Variants in LARP4B observed in about 807,000 individuals in gnomAD.
The protein encoded by LARP4B is La ribonucleoprotein 4B, also known as la-related protein 4B.
Under a neutral mutation model 89.8 loss-of-function variants are expected in LARP4B, and 12 were observed. That is an observed-to-expected ratio of 0.13 (90% CI 0.09 to 0.22). The LOEUF (loss-of-function observed/expected upper bound fraction) is 0.22. Among genes scored for constraint, LARP4B ranks in the 10% least tolerant of loss-of-function variants. LARP4B has a pLI of 1.00. For synonymous variants in LARP4B, 367 were observed against 363.3 expected (o/e 1.01, Z -0.12); for missense variants, 757 against 947.7 (o/e 0.80, Z 2.64).
At chr10:980,439 G>A in the LARP4B span, among the ~76,000 whole-genome samples, 1 of 152,246 alleles carries the variant, frequency 6.6e-6, no homozygotes, top group Non-Finnish European at 1.5e-5. Flanking sequence ...CTCTCTCCCT[G>A]CAGCAGGCTT....
chr10:889,104 A>G (rs1835944790), intron 1 of LARP4B, among the ~76,000 whole-genome samples: 2 of 152,116 alleles, frequency 1.3e-5, no homozygotes, highest in South Asian at 2.1e-4. Context: ...AAACAAAAAT[A>G]AAAAAAGAAT....
the LARP4B span, among the ~76,000 whole-genome samples, chr10:970,961 T>C: frequency 6.6e-6 from 1 of 152,212 alleles, no homozygotes; most frequent in Admixed American, 6.5e-5. Flanking sequence ...ATTGCTCTGC[T>C]GCGTGTCAGA....
chr10:912,539 T>C (rs1164488377), intron 1 of LARP4B, among the ~76,000 whole-genome samples: 1 of 151,932 alleles, frequency 6.6e-6, no homozygotes, highest in Non-Finnish European at 1.5e-5. Flanking sequence ...AACATCTAGG[T>C]TGGAAGACCA....
In LARP4B at chr10:814,157, T is replaced by C. The variant is rs1351759436; in HGVS notation, c.1929+585A>G. Among the ~76,000 whole-genome samples, 1 of 151,922 alleles carries C rather than the reference T, an allele frequency of 6.6e-6. No homozygotes were observed. The highest frequency in any genetic ancestry group is 1.5e-5 in the Non-Finnish European group (1 of 68,012). Reference sequence around the variant, plus strand: ...ATTATTAATTTTAACCTATAAAAAATCCTTTTTTAGACTCAGCCCAGGGGA... The same window carrying C: ...ATTATTAATTTTAACCTATAAAAAACCCTTTTTTAGACTCAGCCCAGGGGA... On this transcript the variant is annotated intron_variant, in intron 17 of 17. Coordinates refer to ENST00000316157, the MANE Select transcript of LARP4B (RefSeq NM_015155.3). This position sits in a 1 kb window ranked among gnomAD's most constrained non-coding sequence, Gnocchi z 4.4.
intron 1 of LARP4B, among the ~76,000 whole-genome samples, chr10:917,347 A>G (rs942695177): frequency 6.6e-6 from 1 of 152,240 alleles, no homozygotes; most frequent in Non-Finnish European, 1.5e-5. Flanking sequence ...CAAAATGTAT[A>G]AACTATTCAT....
chr10:824,991 C>T, intron 13 of LARP4B, 74 bp downstream of exon 13: 1 of 1,389,464 alleles, frequency 7.2e-7, no homozygotes, highest in East Asian at 2.5e-5. Context: ...AAGACAATTA[C>T]AAAACATATC....
the LARP4B span, among the ~76,000 whole-genome samples, chr10:970,368 C>T: frequency 6.6e-5 from 10 of 152,150 alleles, no homozygotes; most frequent in African/African-American, 2.4e-4. Flanking sequence ...CTTTCAGGGG[C>T]GTTTTAAGGG....
At chr10:842,071 T>C (rs1457810138) in intron 7 of LARP4B, among the ~76,000 whole-genome samples, 3 of 152,146 alleles carry the variant, frequency 2.0e-5, no homozygotes, top group South Asian at 2.1e-4. Context: ...GTGGACTTAA[T>C]TGAGACTTGA....
intron 15 of LARP4B, among the ~76,000 whole-genome samples, chr10:817,508 C>T (rs1213557627): frequency 1.3e-5 from 2 of 152,156 alleles, no homozygotes; most frequent in East Asian, 1.9e-4. Flanking sequence ...ACGTTTCTAC[C>T]TCTGACTTCA....
chr10:867,161 T>C (rs1834943297), intron 3 of LARP4B, among the ~76,000 whole-genome samples: 2 of 152,208 alleles, frequency 1.3e-5, no homozygotes, highest in Admixed American at 6.5e-5. Context: ...AGTTAGGAAA[T>C]GTTCAATCAA....
chr10:832,011 A>AT (rs1201946823), intron 8 of LARP4B, among the ~76,000 whole-genome samples: 1 of 152,178 alleles, frequency 6.6e-6, no homozygotes, highest in Non-Finnish European at 1.5e-5. Context: ...CATATTAAAT[A>AT]TATATGGAAG....
the LARP4B span, among the ~76,000 whole-genome samples, chr10:947,325 C>T: frequency 6.6e-6 from 1 of 152,050 alleles, no homozygotes; most frequent in African/African-American, 2.4e-5. Context: ...ATATAAGGCA[C>T]AGTTCCATTC....
chr10:982,927 C>A, the LARP4B span, among the ~76,000 whole-genome samples: 1 of 152,296 alleles, frequency 6.6e-6, no homozygotes, highest in African/African-American at 2.4e-5. Flanking sequence ...GGAATTCCTA[C>A]TTTGTCAGTC....
the LARP4B span, among the ~76,000 whole-genome samples, chr10:947,934 T>G: frequency 3.3e-5 from 5 of 152,098 alleles, no homozygotes; most frequent in Non-Finnish European, 7.4e-5. Context: ...ATGAAATGTT[T>G]TTTAAATTAA....
chr10:852,181 C>CA (rs1315704512), intron 5 of LARP4B, among the ~76,000 whole-genome samples: 3 of 152,146 alleles, frequency 2.0e-5, no homozygotes, highest in Admixed American at 2.0e-4. Context: ...TAACCTCTTC[C>CA]AAAAACTTAA....
the LARP4B span, among the ~76,000 whole-genome samples, chr10:982,571 G>A: frequency 6.6e-6 from 1 of 152,154 alleles, no homozygotes; most frequent in East Asian, 1.9e-4. Flanking sequence ...CTCAAAATAT[G>A]AAATCATGAA....
chr10:911,600 T>C (rs1394537822), intron 1 of LARP4B, among the ~76,000 whole-genome samples: 2 of 152,218 alleles, frequency 1.3e-5, no homozygotes, highest in Non-Finnish European at 2.9e-5. Flanking sequence ...TTTGCCATAT[T>C]TGATACATGA....
In LARP4B at chr10:880,442, C is replaced by T. The variant is rs77938220; in HGVS notation, c.141+4005G>A. 5.9e-4 allele frequency among the ~76,000 whole-genome samples: 90 copies of T among 152,080 alleles called. 1 individual carries two copies. Among genetic ancestry groups the T allele is most frequent in the East Asian group, 3.9e-3 (20 of 5,150 alleles). On this transcript the variant is annotated intron_variant, in intron 3 of 17. Transcript: ENST00000316157. Reference sequence around the variant, plus strand: ...TGGCTCAAGCCTGTAATCCCAACACCTTGGGAGGCCAAGGCGGGCAGATCA... The same window carrying T: ...TGGCTCAAGCCTGTAATCCCAACACTTTGGGAGGCCAAGGCGGGCAGATCA...
At chr10:867,862 G>GAA (rs903762145) in intron 3 of LARP4B, among the ~76,000 whole-genome samples, 68 of 43,270 alleles carry the variant, frequency 1.6e-3, no homozygotes, top group African/African-American at 2.3e-3. Flanking sequence ...CTCCATCCTT[G>GAA]AAAAAAAAAA....
Sources: gnomAD v4.1 joint callset for allele counts (sites outside exome capture counted in the v4.1 genomes callset) on GRCh38, gnomAD v4.1.1 for gene constraint, Gnocchi (gnomAD v3.1) non-coding constraint, MANE v1.5 for transcripts, NCBI Gene and HGNC (gene_info 2026-07-23, HGNC 2026-07-21) for gene names.